CTNND2: variants seen among roughly 807,000 people sequenced by gnomAD.
CTNND2 encodes catenin delta 2.
A neutral mutation model predicts 144.4 loss-of-function variants in CTNND2; 22 were observed. That is an observed-to-expected ratio of 0.15 (90% confidence interval 0.11 to 0.22). The LOEUF (loss-of-function observed/expected upper bound fraction) is 0.22. Ranked by LOEUF, CTNND2 falls within the 10% of genes least tolerant of loss-of-function variation. The pLI, the probability that CTNND2 is intolerant of heterozygous loss-of-function variation, is 1.00. For synonymous variants in CTNND2, 751 were observed against 695.6 expected (o/e 1.08, Z -1.25); for missense variants, 1,353 against 1,618.8 (o/e 0.84, Z 2.82).
At chr5:11,276,547 T>A (rs750111766) in intron 9 of CTNND2, among the ~76,000 whole-genome samples, 4 of 152,180 alleles carry the variant, frequency 2.6e-5, no homozygotes, top group Non-Finnish European at 4.4e-5. Flanking sequence ...GGTATTCCCA[T>A]CCAGTCTCAC....
chr5:11,078,586 A>C (rs1226140553), intron 16 of CTNND2, among the ~76,000 whole-genome samples: 1 of 152,186 alleles, frequency 6.6e-6, no homozygotes, highest in East Asian at 1.9e-4. Context: ...AAACCAATCA[A>C]TAGTTCACTA....
chr5:11,494,221 A>T (rs781438405), intron 3 of CTNND2, among the ~76,000 whole-genome samples: 5 of 152,184 alleles, frequency 3.3e-5, no homozygotes, highest in Non-Finnish European at 7.4e-5. Flanking sequence ...AGATTAAGTG[A>T]ACTTCATGAA....
intron 2 of CTNND2, among the ~76,000 whole-genome samples, chr5:11,731,746 T>C (rs940292930): frequency 3.2e-4 from 48 of 152,330 alleles, no homozygotes; most frequent in African/African-American, 1.2e-3. Context: ...GTGATATTCA[T>C]TTACTGTCAT....
chr5:11,386,628 T>C (rs1165065543), intron 6 of CTNND2, among the ~76,000 whole-genome samples: 1 of 152,214 alleles, frequency 6.6e-6, no homozygotes, highest in African/African-American at 2.4e-5. Flanking sequence ...TGTATGCATA[T>C]GTATTTATGT....
At chr5:11,150,617 CTTTTTTTTTTTTTTTTTT>C (rs10602477) in intron 12 of CTNND2, among the ~76,000 whole-genome samples, 257 of 72,068 alleles carry the variant, frequency 3.6e-3, no homozygotes, top group African/African-American at 0.014. Flanking sequence ...CTGCTGCCTT[CTTTTTTTTTTTTTTTTTT>C]TTTTTTTTTG....
intron 1 of CTNND2, among the ~76,000 whole-genome samples, chr5:11,740,401 C>T (rs1443120453): frequency 2.6e-5 from 4 of 152,126 alleles, no homozygotes; most frequent in Non-Finnish European, 5.9e-5. Context: ...CTACAACCAT[C>T]TGATCTTTGA....
intron 11 of CTNND2, among the ~76,000 whole-genome samples, chr5:11,163,569 C>A (rs140834229): frequency 5.3e-5 from 8 of 152,176 alleles, no homozygotes; most frequent in African/African-American, 1.4e-4. Context: ...CTCCCACTCT[C>A]TCTGTTGCTT....
chr5:11,898,596 C>T (rs767033236), intron 1 of CTNND2, among the ~76,000 whole-genome samples: 2 of 152,028 alleles, frequency 1.3e-5, no homozygotes, highest in Admixed American at 6.6e-5. Context: ...ATAAAGTAAA[C>T]ATCCTATTTA....
chr5:11,026,908 C>A (rs777600594), intron 16 of CTNND2, among the ~76,000 whole-genome samples: 2 of 151,996 alleles, frequency 1.3e-5, no homozygotes, highest in Non-Finnish European at 2.9e-5. Context: ...AGAGATTTCA[C>A]GCGGGAATAA....
intron 16 of CTNND2, among the ~76,000 whole-genome samples, chr5:11,047,398 T>C (rs923512451): frequency 6.6e-6 from 1 of 152,190 alleles, no homozygotes; most frequent in African/African-American, 2.4e-5. Context: ...GGCATTGTTT[T>C]GGGGTCTGAG....
chr5:11,391,457 G>C (rs1759623389), intron 6 of CTNND2, among the ~76,000 whole-genome samples: 1 of 152,108 alleles, frequency 6.6e-6, no homozygotes, highest in Admixed American at 6.5e-5. Flanking sequence ...CTATAATATA[G>C]TGCAAGTAAA....
At chr5:11,289,592 G>A (rs976445543) in intron 9 of CTNND2, among the ~76,000 whole-genome samples, 7 of 152,154 alleles carry the variant, frequency 4.6e-5, no homozygotes, top group Non-Finnish European at 1.0e-4. Flanking sequence ...TCAGTCAGAC[G>A]CCTTTGGATC....
chr5:11,394,665 T>C (rs1368582021), intron 6 of CTNND2, among the ~76,000 whole-genome samples: 1 of 152,232 alleles, frequency 6.6e-6, no homozygotes, highest in Admixed American at 6.5e-5. Context: ...GCAATTTGGG[T>C]GGCTTACAGT....
At chr5:11,763,106 C>T (rs1789369373) in intron 1 of CTNND2, among the ~76,000 whole-genome samples, 1 of 152,124 alleles carries the variant, frequency 6.6e-6, no homozygotes, top group African/African-American at 2.4e-5. Flanking sequence ...TCCTCCTTCA[C>T]TCTCTCTCTC....
chr5:11,600,427 C>T (rs1465523390), intron 2 of CTNND2, among the ~76,000 whole-genome samples: 2 of 151,940 alleles, frequency 1.3e-5, no homozygotes, highest in Admixed American at 1.3e-4. Flanking sequence ...AAGATTAGGC[C>T]AGGCATAGTG....
chr5:11,438,669 G>A (rs1027663593), intron 3 of CTNND2, among the ~76,000 whole-genome samples: 2 of 152,218 alleles, frequency 1.3e-5, no homozygotes, highest in East Asian at 3.9e-4. Context: ...CTATTTGGAT[G>A]TGGACAAGAT....
intron 3 of CTNND2, among the ~76,000 whole-genome samples, chr5:11,439,769 T>TATCTATC (rs1344813664): frequency 6.6e-6 from 1 of 151,472 alleles, no homozygotes; most frequent in African/African-American, 2.4e-5. Context: ...TCTATCTATC[T>TATCTATC]ATCTATCTAT....
At chr5:11,075,371 C>T (rs545104471) in intron 16 of CTNND2, among the ~76,000 whole-genome samples, 1 of 152,318 alleles carries the variant, frequency 6.6e-6, no homozygotes, top group Non-Finnish European at 1.5e-5. Flanking sequence ...AGAATAGGAA[C>T]ATATGGGGGC....
intron 2 of CTNND2, among the ~76,000 whole-genome samples, chr5:11,578,297 G>C (rs1018956313): frequency 6.6e-6 from 1 of 152,104 alleles, no homozygotes; most frequent in African/African-American, 2.4e-5. Context: ...CAGCCATATT[G>C]TTACTCTATT....
Sources: gnomAD v4.1 joint callset for allele counts (sites outside exome capture counted in the v4.1 genomes callset) on GRCh38, gnomAD v4.1.1 for gene constraint, MANE v1.5 for transcripts, NCBI Gene and HGNC (gene_info 2026-07-23, HGNC 2026-07-21) for gene names.